The following EML6 variants were observed in gnomAD, a reference collection of about 807,000 sequenced individuals.
The protein encoded by EML6 is echinoderm microtubule-associated protein-like 6.
Under a neutral mutation model 240.1 loss-of-function variants are expected in EML6, and 154 were observed. The observed-to-expected ratio is 0.64, with a 90% confidence interval of 0.56 to 0.73. The LOEUF is 0.73. Among genes scored for constraint, EML6 ranks in the 30% least tolerant of loss-of-function variants. EML6 has a pLI of 0.00. For synonymous variants in EML6, 1,148 were observed against 899.0 expected (o/e 1.28, Z -4.95); for missense variants, 2,964 against 2,474.6 (o/e 1.20, Z -4.20).
intron 26 of EML6, 103 bp from the exon 27 acceptor site, chr2:54,928,210 G>T: frequency 1.1e-6 from 1 of 902,846 alleles, no homozygotes; most frequent in South Asian, 1.4e-5. Context: ...GGAAATTGCT[G>T]TTGAACTGTT....
intron 2 of EML6, among the ~76,000 whole-genome samples, chr2:54,794,748 T>C (rs751828626): frequency 2.6e-5 from 4 of 152,176 alleles, no homozygotes; most frequent in Admixed American, 6.5e-5. Context: ...CTTAAACAAG[T>C]GTTCAGCTTA....
At chr2:54,943,526 G>T (rs915663048) in intron 28 of EML6, among the ~76,000 whole-genome samples, 3 of 152,114 alleles carry the variant, frequency 2.0e-5, no homozygotes, top group South Asian at 2.1e-4. Context: ...TCTCATTCAG[G>T]CCTTGTAGTC....
intron 11 of EML6, among the ~76,000 whole-genome samples, chr2:54,855,052 C>T (rs1300671292): frequency 7.9e-5 from 12 of 152,096 alleles, no homozygotes; most frequent in Admixed American, 6.5e-4. Context: ...TTAAGGTGTG[C>T]TTGGGTCTGG....
At chr2:54,851,511 G>A (rs919683813) in intron 10 of EML6, among the ~76,000 whole-genome samples, 7 of 152,164 alleles carry the variant, frequency 4.6e-5, no homozygotes, top group Non-Finnish European at 1.0e-4. Context: ...ATAATGTTAG[G>A]ATTTGTTGAA....
chr2:54,840,315 A>T (rs1669376238), intron 7 of EML6, among the ~76,000 whole-genome samples: 1 of 152,228 alleles, frequency 6.6e-6, no homozygotes, highest in Non-Finnish European at 1.5e-5. Context: ...GGCATTATAA[A>T]AGGACTATGA....
intron 8 of EML6, 142 bp downstream of exon 8, chr2:54,844,390 G>T: frequency 1.5e-6 from 1 of 663,424 alleles, no homozygotes; most frequent in Non-Finnish European, 2.6e-6. Flanking sequence ...CTCATCAAGT[G>T]GGTTTTTGGC....
chr2:54,817,101 T>C (rs1451805465), intron 4 of EML6, among the ~76,000 whole-genome samples: 1 of 152,230 alleles, frequency 6.6e-6, no homozygotes, highest in Non-Finnish European at 1.5e-5. Context: ...GTGCTTTTCA[T>C]AGGCAAAGCA....
chr2:54,757,146 C>T (rs919396001), intron 2 of EML6, among the ~76,000 whole-genome samples: 2 of 151,884 alleles, frequency 1.3e-5, no homozygotes, highest in African/African-American at 4.8e-5. Flanking sequence ...TTATGTCCCT[C>T]CCTTATGTCT....
At position 54,970,313 on chromosome 2, in the gene EML6, T is replaced by TA. The variant is rs887236534; in HGVS notation, c.*221dup. 5.0e-6 allele frequency: 3 copies of TA among 594,462 alleles called. No individual in the cohort carries two copies. Among genetic ancestry groups the TA allele is most frequent in the Non-Finnish European group, 9.0e-6 (3 of 332,478 alleles). 36.8% of individuals were successfully genotyped at this position (594,462 alleles called of 1,614,324 possible). A position where few individuals can be genotyped will look rare whatever the true frequency, so the allele number is the denominator to read the frequency against. ...GAAGGAAGGTCAAGTTTTAAAATGT[T>TA]AAAGACTGCTTGCCTCTGTTCCTGA... On this transcript the variant is annotated 3_prime_UTR_variant, in exon 42 of 42. Transcript: ENST00000356458.
Position 54,724,741 on chromosome 2 carries a change from G to C in EML6, c.-321G>C, listed in dbSNP as rs1408073990. 1.3e-5 allele frequency: 2 copies of C among 152,670 alleles called. No homozygotes were observed. The highest frequency in any genetic ancestry group is 2.4e-5 in the African/African-American group (1 of 41,424). The allele number at this position is 152,670 out of a possible 1,614,324, so 9.5% of individuals were successfully genotyped here. A position where few individuals can be genotyped will look rare whatever the true frequency, so the allele number is the denominator to read the frequency against. On this transcript the variant is annotated 5_prime_UTR_variant, in exon 2 of 42. Transcript: ENST00000356458. This position sits in a 1 kb window ranked among gnomAD's most constrained non-coding sequence, Gnocchi z 5.2. ...GTAAAAGGCGGGGTGGCCCCCCCGA[G>C]AGCCTCTCCCGGGGGCCGGAGCCCG...
At chr2:54,745,782 A>G (rs926096328) in intron 2 of EML6, among the ~76,000 whole-genome samples, 14 of 152,128 alleles carry the variant, frequency 9.2e-5, no homozygotes, top group African/African-American at 2.9e-4. Context: ...CCCTATCTCA[A>G]AAATAAAAAG....
At chr2:54,800,499 G>A (rs1341473517) in intron 2 of EML6, among the ~76,000 whole-genome samples, 2 of 151,842 alleles carry the variant, frequency 1.3e-5, no homozygotes, top group Non-Finnish European at 2.9e-5. Context: ...TAAAATAATC[G>A]GTCTTCAGAG....
intron 2 of EML6, among the ~76,000 whole-genome samples, chr2:54,731,750 A>G (rs372145000): frequency 1.3e-5 from 2 of 152,214 alleles, no homozygotes; most frequent in African/African-American, 4.8e-5. Context: ...AACCCCATCA[A>G]TCAGTCATTT....
intron 38 of EML6, 197 bp from the exon 39 acceptor site, chr2:54,966,803 G>A (rs1015056406): frequency 4.8e-6 from 2 of 418,678 alleles, no homozygotes; most frequent in African/African-American, 4.0e-5. Context: ...GAAAATGGAT[G>A]AGAAGAAAGA....
intron 16 of EML6, among the ~76,000 whole-genome samples, chr2:54,879,154 G>C (rs559809287): frequency 7.2e-5 from 11 of 152,288 alleles, no homozygotes; most frequent in South Asian, 6.2e-4. Context: ...AATGTCATGA[G>C]ATTTGTTTGT....
chr2:54,957,445 G>C (rs558266049), intron 32 of EML6, among the ~76,000 whole-genome samples: 1 of 151,362 alleles, frequency 6.6e-6, no homozygotes, highest in Non-Finnish European at 1.5e-5. Flanking sequence ...GACGACTCCT[G>C]TGGTGATGCT....
chr2:54,765,335 TA>T (rs1182854123), intron 2 of EML6, among the ~76,000 whole-genome samples: 1 of 152,242 alleles, frequency 6.6e-6, no homozygotes, highest in East Asian at 1.9e-4. Context: ...TAAAACTTGT[TA>T]TGAATTATCT....
chr2:54,855,733 T>C (rs775537477), intron 11 of EML6, among the ~76,000 whole-genome samples: 5 of 152,102 alleles, frequency 3.3e-5, no homozygotes, highest in Non-Finnish European at 5.9e-5. Context: ...TGTGTTCTAC[T>C]TTTCATGACA....
intron 7 of EML6, among the ~76,000 whole-genome samples, chr2:54,835,913 C>T (rs1210276640): frequency 6.6e-6 from 1 of 152,248 alleles, no homozygotes; most frequent in Middle Eastern, 3.4e-3. Flanking sequence ...TCCAAAAGAC[C>T]AACTCTCAAA....
Sources: allele counts gnomAD v4.1 joint callset (sites outside exome capture counted in the v4.1 genomes callset), GRCh38; gene constraint gnomAD v4.1.1; non-coding constraint Gnocchi (gnomAD v3.1); transcripts MANE v1.5; gene names NCBI Gene and HGNC (gene_info 2026-07-23, HGNC 2026-07-21).